ZNF117: variants seen among roughly 807,000 people sequenced by gnomAD.
ZNF117 encodes the protein Krueppel-related zinc finger protein.
In ZNF117, 37 loss-of-function variants were observed where a neutral mutation model predicts 41.2. The observed-to-expected ratio is 0.90, with a 90% CI of 0.69 to 1.18. The LOEUF (loss-of-function observed/expected upper bound fraction) is 1.18, where lower values mean the gene tolerates loss of function less well. Ranked by LOEUF, ZNF117 falls within the 50% of genes most tolerant of loss-of-function variation. The probability of loss-of-function intolerance (pLI) is 0.00; values close to 1 mark genes in which losing one functional copy is unlikely to be tolerated. For missense variants in ZNF117, 546 were observed against 557.5 expected, an observed-to-expected ratio of 0.98 and a Z score of 0.21; for synonymous variants, 186 against 186.6, an observed-to-expected ratio of 1.00 and a Z score of 0.02.
chr7:64,985,967 A>AAAG (rs373518445), upstream of ZNF117, among the ~76,000 whole-genome samples: 3,191 of 148,510 alleles, frequency 0.021, 41 homozygotes, highest in Middle Eastern at 0.035. Context: ...AAAAAAAAAA[A>AAAG]AAAGAAAGAA....
At chr7:64,986,655 T>C (rs1206334922), upstream of ZNF117, among the ~76,000 whole-genome samples, 2 of 152,190 alleles carry the variant, frequency 1.3e-5, no homozygotes, top group African/African-American at 2.4e-5. Flanking sequence ...GAGGGAGTCA[T>C]GTAACTTTTC....
chr7:64,976,785 G>A (rs1785896785), exon 3 of ZNF117: 2 of 373,042 alleles, frequency 5.4e-6, no homozygotes, highest in East Asian at 7.3e-5. Context: ...TGAAGGTGTT[G>A]TCAAAATCAT....
chr7:64,977,895 C>T lies in ZNF117; in HGVS notation c.*224G>A, dbSNP rs1327610041. On this transcript the variant is annotated 3_prime_UTR_variant, in exon 3 of 3. Transcript: ENST00000620222. ...ATTAAAAGCTCTGCCACATTCTTCA[C>T]ATTTGTAGGGTTTCTCTCCAGTATG... 17 of 1,205,042 alleles carry T rather than the reference C, an allele frequency of 1.4e-5. No individual in the cohort carries two copies. In the East Asian group the frequency reaches 3.1e-4, roughly 22 times the overall value. The allele number at this position is 1,205,042 out of a possible 1,614,324, so 74.6% of individuals were successfully genotyped here.
At chr7:64,987,119 C>A (rs13222878), upstream of ZNF117, among the ~76,000 whole-genome samples, 136,677 of 152,196 alleles carry the variant, frequency 0.9, 61,885 homozygotes, top group South Asian at 0.97. Flanking sequence ...CAACTTGATA[C>A]AAATATAAAT....
exon 3 of ZNF117, chr7:64,979,527 T>A: frequency 1.3e-6 from 2 of 1,481,812 alleles, no homozygotes; most frequent in Non-Finnish European, 1.8e-6. Flanking sequence ...GGCAAAATAA[T>A]AAAACATAAC....
upstream of ZNF117, among the ~76,000 whole-genome samples, chr7:64,983,429 C>T (rs1211867250): frequency 6.6e-6 from 1 of 151,142 alleles, no homozygotes; most frequent in East Asian, 1.9e-4. Flanking sequence ...TTTCAGAGAC[C>T]CTTGACTATC....
exon 3 of ZNF117, chr7:64,979,300 G>A: frequency 6.3e-7 from 1 of 1,588,340 alleles, no homozygotes; most frequent in Non-Finnish European, 8.5e-7. Context: ...GAAATTTTAT[G>A]GAAAACTTCT....
At chr7:64,978,458 G>T (rs766673467) in exon 3 of ZNF117, 4 of 1,613,400 alleles carry the variant, frequency 2.5e-6, no homozygotes, top group South Asian at 2.2e-5. Context: ...CTGAGGACTG[G>T]TTAAAGGCTT....
exon 3 of ZNF117, chr7:64,975,003 A>T (rs1785849362): frequency 1.3e-5 from 1 of 74,764 alleles, no homozygotes. Flanking sequence ...TTTAAATAAG[A>T]AAAAGAATAA....
chr7:64,978,846 A>AT lies in ZNF117; in HGVS notation c.724dup (p.Ile242AsnfsTer9). ...TTCATAACGTTTCTCTCCGGTATGA[A>AT]TTAACTTATGTTCAGTAAGCTTTGA... On this transcript the variant is annotated frameshift_variant, in exon 3 of 3. Transcript: ENST00000620222. LOFTEE classifies it high-confidence loss of function. The AT allele has an allele frequency of 6.2e-7, 1 of 1,613,666 alleles. No individual in the cohort carries two copies. The highest frequency in any genetic ancestry group is 1.7e-5 in the Admixed American group (1 of 59,924).
At chr7:64,988,434 A>G (rs1009910396) in intron 1 of ZNF117, among the ~76,000 whole-genome samples, 1 of 152,220 alleles carries the variant, frequency 6.6e-6, no homozygotes, top group African/African-American at 2.4e-5. Context: ...GCAACAAACT[A>G]GGCATAGAAG....
In ZNF117 at chr7:64,978,367, AG is replaced by A. The variant is rs1290873044; in HGVS notation, c.1203del (p.Ser402GlnfsTer64). 7 of 1,613,466 alleles carry A rather than the reference AG, an allele frequency of 4.3e-6. No individual in the cohort carries two copies. Among genetic ancestry groups the A allele is most frequent in the Admixed American group, 1.7e-5 (1 of 59,934 alleles). Reference sequence around the variant, plus strand: ...ATTTTCTTACATGTACTAAGTTTTGAGGATAGGTGGAAAACTTTGCCAGATT... The same window carrying A: ...ATTTTCTTACATGTACTAAGTTTTGAGATAGGTGGAAAACTTTGCCAGATT... On this transcript the variant is annotated frameshift_variant, in exon 3 of 3. Coordinates refer to ENST00000620222, the Ensembl canonical transcript of ZNF117. LOFTEE classifies it high-confidence loss of function.
chr7:64,985,351 T>C (rs77735839), upstream of ZNF117, among the ~76,000 whole-genome samples: 1,933 of 152,330 alleles, frequency 0.013, 34 homozygotes, highest in African/African-American at 0.044. Flanking sequence ...GGATAATCTG[T>C]ATTCTATCAA....
chr7:64,973,429 G>T (rs1255795162), downstream of ZNF117: 1 of 151,878 alleles, frequency 6.6e-6, no homozygotes, highest in African/African-American at 2.4e-5. Flanking sequence ...CAATAAGAGT[G>T]AAACTCTGTT....
chr7:64,989,453 A>G (rs1375718726), intron 1 of ZNF117, among the ~76,000 whole-genome samples: 2 of 23,756 alleles, frequency 8.4e-5, no homozygotes, highest in African/African-American at 5.2e-4. Context: ...TTATATATAT[A>G]TATATATATA....
At chr7:64,982,157 C>G (rs1786046763), upstream of ZNF117, 2 of 704,908 alleles carry the variant, frequency 2.8e-6, no homozygotes, top group Admixed American at 2.4e-5. Context: ...AAATCACATA[C>G]ATTTACCAAG....
At chr7:64,978,927 T>A (rs369563031) in exon 3 of ZNF117, 1 of 1,613,584 alleles carries the variant, frequency 6.2e-7, no homozygotes, top group East Asian at 2.2e-5. Flanking sequence ...TTCCCCAGTA[T>A]GAATTATATT....
exon 3 of ZNF117, chr7:64,974,484 TAAA>T (rs1470019627): frequency 6.6e-6 from 1 of 151,850 alleles, no homozygotes; most frequent in Non-Finnish European, 1.5e-5. Context: ...ATTACTTTAT[TAAA>T]ATATTTGTTT....
upstream of ZNF117, among the ~76,000 whole-genome samples, chr7:64,984,940 G>A (rs1230029582): frequency 9.9e-5 from 15 of 152,156 alleles, no homozygotes; most frequent in Middle Eastern, 3.4e-3. Context: ...ACAGGCACGC[G>A]CCACCACGCC....
Sources: allele counts gnomAD v4.1 joint callset (sites outside exome capture counted in the v4.1 genomes callset), GRCh38; gene constraint gnomAD v4.1.1; transcripts MANE v1.5; gene names NCBI Gene and HGNC (gene_info 2026-07-23, HGNC 2026-07-21).